Variants in PRPF3 observed in about 807,000 individuals in gnomAD.
PRPF3 encodes the protein U4/U6 small nuclear ribonucleoprotein Prp3.
A neutral mutation model predicts 89.2 loss-of-function variants in PRPF3; 3 were observed. The observed-to-expected ratio is 0.03, with a 90% CI of 0.02 to 0.09. PRPF3 has a LOEUF of 0.09. PRPF3 is among the 10% of genes least tolerant of loss of function. PRPF3 has a pLI of 1.00. For missense variants in PRPF3, 463 were observed against 828.8 expected, an observed-to-expected ratio of 0.56 and a Z score of 5.42; for synonymous variants, 270 against 289.1, an observed-to-expected ratio of 0.93 and a Z score of 0.67.
chr1:150,352,969 C>A lies in PRPF3; in HGVS notation c.2042C>A (p.Ser681Tyr). Residue 681 changes from serine to tyrosine, a missense_variant, in exon 16 of 16, where the codon TCC becomes TAC. By Grantham distance (144) the Ser-to-Tyr change is moderately radical (BLOSUM62 -2). Transcript: ENST00000324862. ...DLALSESVLE[S>Y]TD ...GCGCTGAGTGAATCTGTGTTAGAGT[C>A]CACTGATTGAGACTACTGCAAGCCC... The A allele has an allele frequency of 6.2e-7, 1 of 1,613,998 alleles. No individual in the cohort carries two copies.
At chr1:150,335,406 C>T (rs1656854258) in intron 7 of PRPF3, among the ~76,000 whole-genome samples, 165 bp downstream of exon 7, 1 of 152,128 alleles carries the variant, frequency 6.6e-6, no homozygotes, top group Non-Finnish European at 1.5e-5. Flanking sequence ...GATAATTTTT[C>T]CCCTGGAGTA....
intron 14 of PRPF3, among the ~76,000 whole-genome samples, chr1:150,348,253 G>A (rs12730265): frequency 0.077 from 11,672 of 151,386 alleles, 561 homozygotes; most frequent in Non-Finnish European, 0.093. Context: ...GGCAGCGTGC[G>A]CCTGTAATCC....
At chr1:150,331,385 G>C (rs1168377334) in intron 4 of PRPF3, among the ~76,000 whole-genome samples, 3 of 151,626 alleles carry the variant, frequency 2.0e-5, no homozygotes, top group African/African-American at 7.3e-5. Flanking sequence ...CTTATTTAGA[G>C]ATGGAGTCTC....
chr1:150,328,544 G>C, intron 4 of PRPF3, 78 bp downstream of exon 4: 1 of 855,742 alleles, frequency 1.2e-6, no homozygotes, highest in Non-Finnish European at 1.6e-6. Context: ...TATTTATTGT[G>C]GAATTTTTTT....
chr1:150,330,805 C>T (rs1372653972), intron 4 of PRPF3, among the ~76,000 whole-genome samples: 3 of 151,894 alleles, frequency 2.0e-5, no homozygotes, highest in Admixed American at 1.3e-4. Flanking sequence ...CAACCTCCGC[C>T]TCCCGGGTTC....
intron 7 of PRPF3, 86 bp from the exon 8 acceptor site, chr1:150,338,074 C>CAAAAAA: frequency 1.6e-6 from 2 of 1,212,142 alleles, no homozygotes; most frequent in Non-Finnish European, 2.3e-6. Flanking sequence ...AACTCCGTCT[C>CAAAAAA]AAAAAAAAAA....
chr1:150,336,694 T>G (rs1396953024), intron 7 of PRPF3, among the ~76,000 whole-genome samples: 1 of 152,008 alleles, frequency 6.6e-6, no homozygotes, highest in South Asian at 2.1e-4. Context: ...AGGCAGAGGT[T>G]GCAGTGAGCT....
chr1:150,324,825 G>T, intron 1 of PRPF3, 70 bp from the exon 2 acceptor site: 1 of 1,273,224 alleles, frequency 7.9e-7, no homozygotes. Flanking sequence ...GGGATTACAG[G>T]CATGAGCCAC....
At chr1:150,338,917 A>G (rs1657351963) in intron 8 of PRPF3, among the ~76,000 whole-genome samples, 1 of 152,218 alleles carries the variant, frequency 6.6e-6, no homozygotes, top group Non-Finnish European at 1.5e-5. Flanking sequence ...AGCAAAGTCT[A>G]GAATTCTTTT....
chr1:150,349,347 G>C (rs1553873820), intron 15 of PRPF3, 129 bp downstream of exon 15: 3 of 795,926 alleles, frequency 3.8e-6, no homozygotes, highest in Non-Finnish European at 4.2e-6. Flanking sequence ...GTTTCTTTTT[G>C]GAATCCATTT....
chr1:150,347,924 A>G (rs1658455723), intron 14 of PRPF3, among the ~76,000 whole-genome samples: 2 of 152,180 alleles, frequency 1.3e-5, no homozygotes, highest in African/African-American at 2.4e-5. Context: ...TAAAATTTGA[A>G]GTACATTTTC....
chr1:150,329,144 C>G (rs587771594), intron 4 of PRPF3, among the ~76,000 whole-genome samples: 1 of 151,796 alleles, frequency 6.6e-6, no homozygotes, highest in Non-Finnish European at 1.5e-5. Flanking sequence ...ATTCTCCTGC[C>G]TAAGCCTCCG....
intron 1 of PRPF3, among the ~76,000 whole-genome samples, chr1:150,323,605 A>T (rs11584613): frequency 6.6e-4 from 93 of 140,386 alleles, no homozygotes; most frequent in African/African-American, 2.2e-3. Flanking sequence ...ACTGCACTCC[A>T]GCCTGGGCGA....
chr1:150,333,728 G>T (rs1240034200), intron 6 of PRPF3, among the ~76,000 whole-genome samples: 1 of 152,086 alleles, frequency 6.6e-6, no homozygotes, highest in Admixed American at 6.6e-5. Flanking sequence ...TGAGATTAAG[G>T]TTATTCATCT....
chr1:150,340,372 GTTTTC>G (rs782555438), intron 8 of PRPF3, 21 bp from the exon 9 acceptor site: 5 of 1,499,752 alleles, frequency 3.3e-6, no homozygotes, highest in Non-Finnish European at 9.3e-7. Context: ...CGCATATCGT[GTTTTC>G]TTTTCTTCCT....
chr1:150,338,495 G>GT (rs370609374), intron 8 of PRPF3, among the ~76,000 whole-genome samples, 169 bp downstream of exon 8: 1 of 35,758 alleles, frequency 2.8e-5, no homozygotes. Context: ...ACAAGGTCCT[G>GT]TTATTTTTTT....
intron 3 of PRPF3, chr1:150,327,716 A>G (rs1655882887): frequency 1.3e-6 from 1 of 774,592 alleles, no homozygotes; most frequent in Non-Finnish European, 1.6e-6. Flanking sequence ...TGTTAAATTC[A>G]CCTTGCAAAT....
intron 4 of PRPF3, among the ~76,000 whole-genome samples, chr1:150,329,032 GT>G (rs1346226266): frequency 1 from 147,738 of 147,752 alleles, 73,863 homozygotes; most frequent in Middle Eastern, 1. Context: ...AGCATTTGGG[GT>G]AAACTTTTTT....
chr1:150,334,443 C>G (rs1553866648), intron 6 of PRPF3, among the ~76,000 whole-genome samples: 1 of 152,070 alleles, frequency 6.6e-6, no homozygotes, highest in African/African-American at 2.4e-5. Context: ...CTCCCTGCAA[C>G]CTCTGCCTCC....
Sources: gnomAD v4.1 joint callset for allele counts (sites outside exome capture counted in the v4.1 genomes callset) on GRCh38, gnomAD v4.1.1 for gene constraint, MANE v1.5 for transcripts, NCBI Gene and HGNC (gene_info 2026-07-23, HGNC 2026-07-21) for gene names.